ASTN2: variants seen among roughly 807,000 people sequenced by gnomAD.
ASTN2 encodes the protein astrotactin-2.
A neutral mutation model predicts 139.8 loss-of-function variants in ASTN2; 54 were observed. The ratio of observed to expected loss-of-function variants is 0.39; its 90% confidence interval spans 0.31 to 0.48. The LOEUF is 0.48. ASTN2 is among the 20% of genes least tolerant of loss of function. The pLI is 0.95. For missense variants in ASTN2, 1,565 were observed against 1,725.1 expected (o/e 0.91, Z 1.64); for synonymous variants, 756 against 719.5 (o/e 1.05, Z -0.81).
At chr9:116,476,544 A>G (rs1391463803) in intron 20 of ASTN2, among the ~76,000 whole-genome samples, 1 of 152,176 alleles carries the variant, frequency 6.6e-6, no homozygotes, top group Non-Finnish European at 1.5e-5. Flanking sequence ...CATCACCATG[A>G]ATATGAGCTC....
chr9:116,747,181 T>G (rs933154603), intron 13 of ASTN2, among the ~76,000 whole-genome samples: 7 of 152,206 alleles, frequency 4.6e-5, no homozygotes, highest in Non-Finnish European at 7.3e-5. Context: ...ACAATCTCAT[T>G]TCACATGCAC....
chr9:116,733,896 T>C (rs1292550552), intron 13 of ASTN2, among the ~76,000 whole-genome samples: 1 of 152,152 alleles, frequency 6.6e-6, no homozygotes, highest in Non-Finnish European at 1.5e-5. Context: ...ATAAACTGTA[T>C]GTGGCCGCTA....
intron 10 of ASTN2, among the ~76,000 whole-genome samples, chr9:116,879,376 C>T (rs1483368432): frequency 8.6e-6 from 1 of 115,938 alleles, no homozygotes; most frequent in Non-Finnish European, 2.0e-5. Flanking sequence ...GACAGACAGA[C>T]AGACAGACAG....
In ASTN2 at chr9:117,414,962, GGGCGGCGGCGGCGGT is replaced by G. The variant is rs909583966; in HGVS notation, c.-39_-25del. On this transcript the variant is annotated 5_prime_UTR_variant, in exon 1 of 23. Coordinates refer to ENST00000313400, the MANE Select transcript of ASTN2 (RefSeq NM_001365068.1). This position sits in a 1 kb window ranked among gnomAD's most constrained non-coding sequence, Gnocchi z 4.2. ...ATGGCGGGAGGGGCTGCGGTGCTGC[GGGCGGCGGCGGCGGT>G]GGCGGCGGTGGCGAAGGAGGAAGAG... 20 of 237,166 alleles carry G rather than the reference GGGCGGCGGCGGCGGT, an allele frequency of 8.4e-5. 1 individual carries two copies. The highest frequency in any genetic ancestry group is 1.7e-4 in the African/African-American group (7 of 41,488). 14.7% of individuals were successfully genotyped at this position (237,166 alleles called of 1,614,324 possible).
chr9:116,661,735 C>G (rs776473480), intron 16 of ASTN2, among the ~76,000 whole-genome samples: 8 of 152,048 alleles, frequency 5.3e-5, no homozygotes, highest in Admixed American at 1.3e-4. Flanking sequence ...ACTAGGCATG[C>G]AACCAGGCCC....
intron 7 of ASTN2, among the ~76,000 whole-genome samples, chr9:116,987,784 T>C (rs1250589528): frequency 6.6e-6 from 1 of 152,200 alleles, no homozygotes; most frequent in Non-Finnish European, 1.5e-5. Context: ...AATACGCTGG[T>C]ATCACTACTC....
chr9:116,670,363 G>C (rs183037100), intron 16 of ASTN2, among the ~76,000 whole-genome samples: 1 of 152,206 alleles, frequency 6.6e-6, no homozygotes, highest in Non-Finnish European at 1.5e-5. Context: ...GCAGGAGGTA[G>C]AAGGGCTGGT....
intron 2 of ASTN2, among the ~76,000 whole-genome samples, chr9:117,234,459 T>C (rs73517215): frequency 0.015 from 2,244 of 152,264 alleles, 53 homozygotes; most frequent in African/African-American, 0.051. Context: ...GGAAACCCAG[T>C]GGAGGCAAAC....
At chr9:117,323,454 A>G (rs929952234) in intron 1 of ASTN2, among the ~76,000 whole-genome samples, 4 of 152,164 alleles carry the variant, frequency 2.6e-5, no homozygotes, top group Admixed American at 6.6e-5. Flanking sequence ...TTCAGGGAAC[A>G]TGGATCTTAG....
intron 10 of ASTN2, among the ~76,000 whole-genome samples, chr9:116,916,016 A>G (rs760655184): frequency 1.8e-4 from 27 of 152,194 alleles, no homozygotes; most frequent in Non-Finnish European, 3.5e-4. Flanking sequence ...TCAAACCCAC[A>G]TGGAGTTTTT....
intron 10 of ASTN2, among the ~76,000 whole-genome samples, chr9:116,926,402 C>A (rs905090233): frequency 1.3e-5 from 2 of 152,182 alleles, no homozygotes; most frequent in African/African-American, 4.8e-5. Context: ...TATAGCCTTG[C>A]CAGCTTCATC....
intron 2 of ASTN2, among the ~76,000 whole-genome samples, chr9:117,243,194 G>GTTGTCT (rs1833266936): frequency 6.6e-6 from 1 of 152,176 alleles, no homozygotes; most frequent in African/African-American, 2.4e-5. Flanking sequence ...GCTGAGGAGT[G>GTTGTCT]ATACTATGTT....
chr9:117,001,962 GA>G (rs556099573), intron 7 of ASTN2, among the ~76,000 whole-genome samples: 115 of 152,166 alleles, frequency 7.6e-4, no homozygotes, highest in Non-Finnish European at 9.9e-4. Flanking sequence ...GCAGAATTAA[GA>G]AAATCTTGCT....
chr9:116,812,731 T>C (rs570429624), intron 12 of ASTN2, among the ~76,000 whole-genome samples: 3 of 152,202 alleles, frequency 2.0e-5, no homozygotes, highest in Admixed American at 2.0e-4. Context: ...GTATGTCTAG[T>C]CAATAGTGGT....
chr9:116,636,017 C>A (rs1480818568), intron 17 of ASTN2, among the ~76,000 whole-genome samples: 1 of 152,176 alleles, frequency 6.6e-6, no homozygotes, highest in Non-Finnish European at 1.5e-5. Flanking sequence ...GATGATAGAA[C>A]AGGCTTGCCC....
Position 117,141,572 on chromosome 9 carries a change from G to T in ASTN2, c.1016-94C>A, listed in dbSNP as rs375872251. 89 of 1,172,066 alleles carry T rather than the reference G, an allele frequency of 7.6e-5. No homozygotes were observed. In the African/African-American group the frequency reaches 1.3e-3, roughly 18 times the overall value. 72.6% of individuals were successfully genotyped at this position (1,172,066 alleles called of 1,614,324 possible). Reference sequence around the variant, plus strand: ...AAGTTAGGGCTTGAGCCCACCTTCAGCCCCTAGAGCACTAGACCTGGCCAC... The same window carrying T: ...AAGTTAGGGCTTGAGCCCACCTTCATCCCCTAGAGCACTAGACCTGGCCAC... On this transcript the variant is annotated intron_variant, in intron 3 of 22. Coordinates refer to ENST00000313400, the MANE Select transcript of ASTN2 (RefSeq NM_001365068.1).
chr9:116,692,105 G>A (rs1476501257), intron 16 of ASTN2, among the ~76,000 whole-genome samples: 4 of 152,190 alleles, frequency 2.6e-5, no homozygotes, highest in Non-Finnish European at 5.9e-5. Flanking sequence ...ATTGCTTAAA[G>A]TTCTCCAGTT....
intron 11 of ASTN2, among the ~76,000 whole-genome samples, chr9:116,852,915 AC>A: frequency 6.6e-6 from 1 of 150,872 alleles, no homozygotes; most frequent in Non-Finnish European, 1.5e-5. Flanking sequence ...ACACACACAC[AC>A]ACGGTTAAGA....
At chr9:117,165,711 C>T (rs1390776400) in intron 3 of ASTN2, among the ~76,000 whole-genome samples, 2 of 152,082 alleles carry the variant, frequency 1.3e-5, no homozygotes, top group Non-Finnish European at 2.9e-5. Flanking sequence ...AAAATGTCAT[C>T]CTCTTTCTCC....
Sources: allele counts gnomAD v4.1 joint callset (sites outside exome capture counted in the v4.1 genomes callset), GRCh38; gene constraint gnomAD v4.1.1; non-coding constraint Gnocchi (gnomAD v3.1); transcripts MANE v1.5; gene names NCBI Gene and HGNC (gene_info 2026-07-23, HGNC 2026-07-21).